HIP1: variants seen among roughly 807,000 people sequenced by gnomAD.
The protein encoded by HIP1 is huntingtin-interacting protein 1.
Under a neutral mutation model 147.6 loss-of-function variants are expected in HIP1, and 65 were observed. That is an observed-to-expected ratio of 0.44 (90% CI 0.36 to 0.54). The LOEUF is 0.54. Ranked by LOEUF, HIP1 falls within the 20% of genes least tolerant of loss-of-function variation. The probability of loss-of-function intolerance (pLI) is 0.00; values close to 1 mark genes in which losing one functional copy is unlikely to be tolerated. For missense variants in HIP1, 1,061 were observed against 1,299.6 expected (o/e 0.82, Z 2.82); for synonymous variants, 479 against 504.0 (o/e 0.95, Z 0.67).
At chr7:75,675,869 T>C (rs1799870439) in intron 1 of HIP1, among the ~76,000 whole-genome samples, 1 of 152,122 alleles carries the variant, frequency 6.6e-6, no homozygotes, top group African/African-American at 2.4e-5. Flanking sequence ...TAATCCTAGC[T>C]ACTTGGGAGA....
At chr7:75,616,065 G>A (rs1797642908) in intron 1 of HIP1, among the ~76,000 whole-genome samples, 2 of 98,236 alleles carry the variant, frequency 2.0e-5, no homozygotes. Context: ...CAGCCTGGGC[G>A]ACAGAGTAAG....
At chr7:75,559,948 C>A in intron 13 of HIP1, 33 bp from the exon 14 acceptor site, 1 of 1,551,092 alleles carries the variant, frequency 6.4e-7, no homozygotes. Flanking sequence ...AGGCCAACCG[C>A]CCACTGCCAC....
At chr7:75,633,572 G>A (rs1357628341) in intron 1 of HIP1, among the ~76,000 whole-genome samples, 2 of 152,130 alleles carry the variant, frequency 1.3e-5, no homozygotes, top group African/African-American at 4.8e-5. Flanking sequence ...GATTACAAGC[G>A]TGAGCCACCG....
At chr7:75,666,913 T>G (rs1554514687) in intron 1 of HIP1, among the ~76,000 whole-genome samples, 1 of 152,006 alleles carries the variant, frequency 6.6e-6, no homozygotes, top group Non-Finnish European at 1.5e-5. Flanking sequence ...AAAATCATAC[T>G]AAGCAAAAAA....
In HIP1 at chr7:75,724,306, G is replaced by A. The variant is rs569497213; in HGVS notation, c.120+14495C>T. Among the ~76,000 whole-genome samples the A allele has an allele frequency of 1.0e-3, 156 of 151,186 alleles. 1 individual carries two copies. Among genetic ancestry groups the A allele is most frequent in the African/African-American group, 3.5e-3 (144 of 41,138 alleles). ...CTCTGTCGCCAGGCTGGAGTGCAGCGGTGCCATCTCAGCTCACTGCAACCT... is the reference window on the plus strand; with the variant it reads ...CTCTGTCGCCAGGCTGGAGTGCAGCAGTGCCATCTCAGCTCACTGCAACCT... On this transcript the variant is annotated intron_variant, in intron 1 of 30. Coordinates refer to ENST00000336926, the MANE Select transcript of HIP1 (RefSeq NM_005338.7).
At chr7:75,616,176 A>G in intron 1 of HIP1, among the ~76,000 whole-genome samples, 1 of 152,220 alleles carries the variant, frequency 6.6e-6, no homozygotes, top group Admixed American at 6.5e-5. Flanking sequence ...CTAGACAAGA[A>G]TGAGAAAGGA....
chr7:75,552,819 A>C (rs1794834369), intron 22 of HIP1, among the ~76,000 whole-genome samples: 1 of 152,032 alleles, frequency 6.6e-6, no homozygotes, highest in Non-Finnish European at 1.5e-5. Flanking sequence ...CAGCCAGTGA[A>C]TTAAATATAG....
At chr7:75,674,128 AAT>A (rs1378236791) in intron 1 of HIP1, among the ~76,000 whole-genome samples, 5 of 152,188 alleles carry the variant, frequency 3.3e-5, no homozygotes, top group Non-Finnish European at 7.3e-5. Flanking sequence ...GTCACTGAAA[AAT>A]AGAGATAATT....
intron 1 of HIP1, among the ~76,000 whole-genome samples, chr7:75,599,615 G>C (rs781999763): frequency 6.6e-6 from 1 of 152,284 alleles, no homozygotes; most frequent in East Asian, 1.9e-4. Context: ...GAGGCGCAGA[G>C]ATCAGGGAGC....
At chr7:75,585,568 C>T (rs926039254) in intron 5 of HIP1, among the ~76,000 whole-genome samples, 1 of 151,870 alleles carries the variant, frequency 6.6e-6, no homozygotes, top group African/African-American at 2.4e-5. Flanking sequence ...ACGCTACAAG[C>T]CCCCTCCCCT....
At chr7:75,696,443 C>G (rs962536405) in intron 1 of HIP1, among the ~76,000 whole-genome samples, 26 of 152,000 alleles carry the variant, frequency 1.7e-4, no homozygotes, top group Non-Finnish European at 1.9e-4. Flanking sequence ...CATTCTGCTA[C>G]TTTAGCTAAA....
At chr7:75,682,176 C>G (rs1359346508) in intron 1 of HIP1, among the ~76,000 whole-genome samples, 1 of 143,312 alleles carries the variant, frequency 7.0e-6, no homozygotes, top group Non-Finnish European at 1.5e-5. Flanking sequence ...CCAGGTTGGT[C>G]TTGAACTCTT....
intron 22 of HIP1, among the ~76,000 whole-genome samples, chr7:75,550,045 C>A (rs75064518): frequency 7.4e-4 from 113 of 152,136 alleles, no homozygotes; most frequent in African/African-American, 2.7e-3. Flanking sequence ...TCATATGAGG[C>A]GGGTATTATT....
rs1554514318 is a variant in HIP1 at position 75,664,431 on chromosome 7, C to CGT, written c.121-65185_121-65184insAC. Reference sequence around the variant, plus strand: ...ATACACATACATATGTGTGTGTATACATATACATACATATATACACATACA... The same window carrying CGT: ...ATACACATACATATGTGTGTGTATACGTATATACATACATATATACACATACA... On this transcript the variant is annotated intron_variant, in intron 1 of 30. Transcript: ENST00000336926. Among the ~76,000 whole-genome samples, 100 of 112,614 alleles carry CGT rather than the reference C, an allele frequency of 8.9e-4. 4 individuals are homozygous for CGT. The highest frequency in any genetic ancestry group is 2.2e-4 in the Non-Finnish European group (12 of 55,068). 73.9% of individuals were successfully genotyped at this position (112,614 alleles called of 152,430 possible). A position where few individuals can be genotyped will look rare whatever the true frequency, so the allele number is the denominator to read the frequency against.
At chr7:75,693,670 T>C (rs1236127059) in intron 1 of HIP1, among the ~76,000 whole-genome samples, 1 of 150,724 alleles carries the variant, frequency 6.6e-6, no homozygotes, top group Non-Finnish European at 1.5e-5. Flanking sequence ...AGCCCAAGAG[T>C]TCAAGACCAG....
chr7:75,551,618 G>T (rs1189033457), intron 22 of HIP1, among the ~76,000 whole-genome samples: 1 of 152,014 alleles, frequency 6.6e-6, no homozygotes, highest in Non-Finnish European at 1.5e-5. Context: ...AGTACACTCT[G>T]CAATTCACTG....
Position 75,699,633 on chromosome 7 carries a change from C to T in HIP1, c.120+39168G>A, listed in dbSNP as rs76449466. On this transcript the variant is annotated intron_variant, in intron 1 of 30. Transcript: ENST00000336926. ...AGCCCTCGAGACGCCAGTCTGTGGC[C>T]TCTGCTGCAGAGTGGTCTCTGCTTA... Among the ~76,000 whole-genome samples the T allele has an allele frequency of 3.9e-3, 597 of 152,298 alleles. 6 individuals are homozygous for T. Among genetic ancestry groups the T allele is most frequent in the African/African-American group, 0.014 (566 of 41,566 alleles).
At chr7:75,612,809 C>T (rs1189757193) in intron 1 of HIP1, among the ~76,000 whole-genome samples, 1 of 151,450 alleles carries the variant, frequency 6.6e-6, no homozygotes, top group African/African-American at 2.4e-5. Context: ...AACTCCATCT[C>T]AAATAATAAT....
intron 8 of HIP1, among the ~76,000 whole-genome samples, chr7:75,571,337 C>T (rs587714490): frequency 1.1e-3 from 164 of 152,252 alleles, no homozygotes; most frequent in Non-Finnish European, 2.0e-3. Context: ...CTGTATTCAG[C>T]ACTCTAAGCA....
Sources: allele counts gnomAD v4.1 joint callset (sites outside exome capture counted in the v4.1 genomes callset), GRCh38; gene constraint gnomAD v4.1.1; transcripts MANE v1.5; gene names NCBI Gene and HGNC (gene_info 2026-07-23, HGNC 2026-07-21).